Variants in FKBP14 observed in about 807,000 individuals in gnomAD.
FKBP14 encodes peptidyl-prolyl cis-trans isomerase FKBP14.
Under a neutral mutation model 21.6 loss-of-function variants are expected in FKBP14, and 20 were observed. The observed-to-expected ratio is 0.92, with a 90% CI of 0.65 to 1.34. FKBP14 has a LOEUF of 1.34. Among genes scored for constraint, FKBP14 ranks in the 40% most tolerant of loss-of-function variants. The pLI is 0.00. For synonymous variants in FKBP14, 79 were observed against 86.7 expected, an observed-to-expected ratio of 0.91 and a Z score of 0.49; for missense variants, 253 against 249.0, an observed-to-expected ratio of 1.02 and a Z score of -0.11.
rs1202072596 is a variant in FKBP14, at chr7:30,013,833, A to C, written c.*902T>G. The C allele has an allele frequency of 1.3e-5, 2 of 152,184 alleles. No individual in the cohort carries two copies. Among genetic ancestry groups the C allele is most frequent in the African/African-American group, 4.8e-5 (2 of 41,458 alleles). 9.4% of individuals were successfully genotyped at this position (152,184 alleles called of 1,614,324 possible). A position where few individuals can be genotyped will look rare whatever the true frequency, so the allele number is the denominator to read the frequency against. On this transcript the variant is annotated 3_prime_UTR_variant, in exon 4 of 4. Transcript: ENST00000222803. Reference sequence around the variant, plus strand: ...CTAGGAGCCAAGCTTCATCAGCTTAAGTCCTAGGTAGCATGTCTCAATGCA... The same window carrying C: ...CTAGGAGCCAAGCTTCATCAGCTTACGTCCTAGGTAGCATGTCTCAATGCA...
downstream of FKBP14, among the ~76,000 whole-genome samples, chr7:30,006,285 C>G (rs1789616675): frequency 6.6e-6 from 1 of 151,982 alleles, no homozygotes; most frequent in African/African-American, 2.4e-5. Context: ...TGATGCCTGA[C>G]TAGTTTTTTA....
At chr7:30,017,679 G>A (rs549625959) in intron 3 of FKBP14, among the ~76,000 whole-genome samples, 17 of 152,198 alleles carry the variant, frequency 1.1e-4, no homozygotes, top group Admixed American at 8.5e-4. Context: ...AAAGTGGTAG[G>A]ATTACAAGTG....
chr7:30,015,753 G>A (rs1457986536), intron 3 of FKBP14, among the ~76,000 whole-genome samples: 1 of 150,864 alleles, frequency 6.6e-6, no homozygotes, highest in Non-Finnish European at 1.5e-5. Flanking sequence ...AGCCTCCCGA[G>A]TAGCTGGGAC....
At chr7:30,016,922 A>G (rs919763165) in intron 3 of FKBP14, among the ~76,000 whole-genome samples, 1 of 152,160 alleles carries the variant, frequency 6.6e-6, no homozygotes, top group African/African-American at 2.4e-5. Context: ...TGTTAAAAAA[A>G]GGGGTGGGGG....
chr7:30,019,449 A>G (rs983181253), intron 2 of FKBP14, among the ~76,000 whole-genome samples: 1 of 152,110 alleles, frequency 6.6e-6, no homozygotes, highest in African/African-American at 2.4e-5. Flanking sequence ...TATATTACAT[A>G]TTATATGTCA....
At chr7:30,025,211 C>A (rs1185826571) in intron 1 of FKBP14, among the ~76,000 whole-genome samples, 1 of 152,222 alleles carries the variant, frequency 6.6e-6, no homozygotes, top group Non-Finnish European at 1.5e-5. Context: ...TACTTTCCCC[C>A]TGGAAACCTC....
At chr7:30,025,899 G>A (rs1483870333) in intron 1 of FKBP14, among the ~76,000 whole-genome samples, 1 of 152,174 alleles carries the variant, frequency 6.6e-6, no homozygotes, top group African/African-American at 2.4e-5. Flanking sequence ...TTTTGAAGTC[G>A]CTGTGAAAAG....
downstream of FKBP14, among the ~76,000 whole-genome samples, chr7:30,009,888 A>C (rs1448989161): frequency 2.0e-5 from 3 of 151,920 alleles, no homozygotes; most frequent in African/African-American, 7.3e-5. Context: ...AATCCCAGCT[A>C]CTGGGGAGGC....
intron 2 of FKBP14, among the ~76,000 whole-genome samples, 157 bp from the exon 3 acceptor site, chr7:30,019,280 G>A (rs376631689): frequency 7.5e-4 from 114 of 151,964 alleles, no homozygotes; most frequent in Non-Finnish European, 1.1e-3. Flanking sequence ...TATTTTACTC[G>A]AATAGAATAG....
At chr7:30,022,573 A>G (rs1016725186) in intron 2 of FKBP14, 92 bp downstream of exon 2, 119 of 1,082,960 alleles carry the variant, frequency 1.1e-4, no homozygotes, top group Non-Finnish European at 1.2e-4. Flanking sequence ...CTTCCAGGGG[A>G]AAAAAAAAAG....
rs1789815427 is a variant in FKBP14, at chr7:30,014,022, C to T, written c.*713G>A. The T allele has an allele frequency of 6.6e-6, 1 of 152,160 alleles. No individual in the cohort carries two copies. The highest frequency in any genetic ancestry group is 6.5e-5 in the Admixed American group (1 of 15,280). 9.4% of individuals were successfully genotyped at this position (152,160 alleles called of 1,614,324 possible). ...GGGATTACAGGCACGCATCACCACG[C>T]CCGGCTACTTTTGTATTTTTAGTAG... On this transcript the variant is annotated 3_prime_UTR_variant, in exon 4 of 4. Coordinates refer to ENST00000222803, the MANE Select transcript of FKBP14 (RefSeq NM_017946.4).
Position 30,022,747 on chromosome 7 carries a change from G to GT in FKBP14, c.266dup (p.Asp89GlufsTer30). 6.2e-7 allele frequency: 1 copy of GT among 1,614,062 alleles called. No individual in the cohort carries two copies. The highest frequency in any genetic ancestry group is 8.5e-7 in the Non-Finnish European group (1 of 1,179,976). On this transcript the variant is annotated frameshift_variant, in exon 2 of 4. Coordinates refer to ENST00000222803, the MANE Select transcript of FKBP14 (RefSeq NM_017946.4). LOFTEE classifies it high-confidence loss of function. ...CTACACACATTCCTTTCAAGCCCTGGTCCCAACCTTTGAGAGCCTCCAGGA... is the reference window on the plus strand; with the variant it reads ...CTACACACATTCCTTTCAAGCCCTGGTTCCCAACCTTTGAGAGCCTCCAGGA...
intron 2 of FKBP14, among the ~76,000 whole-genome samples, chr7:30,022,066 A>T (rs945860907): frequency 6.6e-6 from 1 of 152,202 alleles, no homozygotes; most frequent in African/African-American, 2.4e-5. Context: ...AAACTTTATA[A>T]ATAAATTTAA....
At chr7:30,007,232 A>G (rs1207532047), downstream of FKBP14, among the ~76,000 whole-genome samples, 5 of 142,308 alleles carry the variant, frequency 3.5e-5, no homozygotes, top group Non-Finnish European at 7.6e-5. Context: ...TTTTTTTTAG[A>G]CAGAGTCTCG....
At position 30,023,858 on chromosome 7, in the gene FKBP14, T is replaced by G. The variant is rs1320066051; in HGVS notation, c.198-1042A>C. Among the ~76,000 whole-genome samples, 6 of 152,154 alleles carry G rather than the reference T, an allele frequency of 3.9e-5. No individual in the cohort carries two copies. The South Asian group carries it at 8.3e-4, about 21-fold the overall frequency. ...GAAAAACCTGCCCTCATGATTCGATTACCTCCCACCAGGTCCCTTCCACAA... is the reference window on the plus strand; with the variant it reads ...GAAAAACCTGCCCTCATGATTCGATGACCTCCCACCAGGTCCCTTCCACAA... On this transcript the variant is annotated intron_variant, in intron 1 of 3. Coordinates refer to ENST00000222803, the MANE Select transcript of FKBP14 (RefSeq NM_017946.4).
At position 30,014,927 on chromosome 7, in the gene FKBP14, T is replaced by C. The variant is rs146517510; in HGVS notation, c.478-34A>G. On this transcript the variant is annotated intron_variant, in intron 3 of 3. Transcript: ENST00000222803. ...TAACAGATCCCATTAATAACTTGGATTCATAAGATACCCACATTGAGCCAA... is the reference window on the plus strand; with the variant it reads ...TAACAGATCCCATTAATAACTTGGACTCATAAGATACCCACATTGAGCCAA... The C allele has an allele frequency of 4.7e-4, 685 of 1,472,108 alleles. 4 individuals are homozygous for C. The African/African-American group carries it at 8.8e-3, about 19-fold the overall frequency. 91.2% of individuals were successfully genotyped at this position (1,472,108 alleles called of 1,614,324 possible).
intron 3 of FKBP14, among the ~76,000 whole-genome samples, chr7:30,016,964 T>C (rs145718483): frequency 1.7e-3 from 258 of 152,154 alleles, no homozygotes; most frequent in African/African-American, 5.6e-3. Flanking sequence ...ACTCTATGGA[T>C]TAATGTAGAA....
In FKBP14 at chr7:30,014,811, A is replaced by C. The variant is rs773564727; in HGVS notation, c.560T>G (p.Ile187Ser). Residue 187 changes from isoleucine to serine, a missense_variant, in exon 4 of 4, where the codon ATT becomes AGT. Transcript: ENST00000222803. Reference protein sequence around the residue: ...ESHHDALVEDIFDKEDEDKDG... With the variant: ...ESHHDALVEDSFDKEDEDKDG... ...TTTGTCTTCATCTTCTTTATCAAAAATATCCTCCACCAAAGCATCATGATG... is the reference window on the plus strand; with the variant it reads ...TTTGTCTTCATCTTCTTTATCAAAACTATCCTCCACCAAAGCATCATGATG... 4 of 1,611,602 alleles carry C rather than the reference A, an allele frequency of 2.5e-6. No individual in the cohort carries two copies. The highest frequency in any genetic ancestry group is 3.4e-6 in the Non-Finnish European group (4 of 1,179,306).
At chr7:30,008,088 T>C (rs1789646925), downstream of FKBP14, 2 of 152,120 alleles carry the variant, frequency 1.3e-5, no homozygotes, top group Non-Finnish European at 2.9e-5. Flanking sequence ...CCCAATCCAA[T>C]AATTAATGAG....
Sources: gnomAD v4.1 joint callset for allele counts (sites outside exome capture counted in the v4.1 genomes callset) on GRCh38, gnomAD v4.1.1 for gene constraint, MANE v1.5 for transcripts, NCBI Gene and HGNC (gene_info 2026-07-23, HGNC 2026-07-21) for gene names.